The following HTR3A variants were observed in gnomAD, a reference collection of about 807,000 sequenced individuals.
The protein encoded by HTR3A is 5-hydroxytryptamine (serotonin) receptor 3A, ionotropic.
In HTR3A, 45 loss-of-function variants were observed where a neutral mutation model predicts 54.8. The ratio of observed to expected loss-of-function variants is 0.82; its 90% CI spans 0.65 to 1.05. The LOEUF is 1.05. HTR3A is among the 50% of genes least tolerant of loss of function. The probability of loss-of-function intolerance (pLI) is 0.00; values close to 1 mark genes in which losing one functional copy is unlikely to be tolerated. For synonymous variants in HTR3A, 297 were observed against 256.0 expected (o/e 1.16, Z -1.53); for missense variants, 657 against 614.0 (o/e 1.07, Z -0.74).
intron 3 of HTR3A, among the ~76,000 whole-genome samples, chr11:113,980,755 A>G (rs1950412035): frequency 6.6e-6 from 1 of 152,214 alleles, no homozygotes; most frequent in Non-Finnish European, 1.5e-5. Context: ...TAAGCAAGGG[A>G]GTGACATGAT....
chr11:113,975,486 G>T, intron 1 of HTR3A, 94 bp downstream of exon 1: 1 of 1,053,644 alleles, frequency 9.5e-7, no homozygotes, highest in Admixed American at 1.9e-5. Flanking sequence ...TGGAGAGGAG[G>T]GTGGGGAACA....
chr11:113,979,273 G>T lies in HTR3A; in HGVS notation c.260G>T (p.Arg87Leu). 2 of 1,611,294 alleles carry T rather than the reference G, an allele frequency of 1.2e-6. No individual in the cohort carries two copies. The highest frequency in any genetic ancestry group is 1.7e-6 in the Non-Finnish European group (2 of 1,179,040). ...GTGCTGACCACCTACATCTGGTACC[G>T]GCAGGTGAGCAGACCCGCCCCTCCC... ...NQVLTTYIWY[R>L]QYWTDEFLQW... Residue 87 changes from arginine to leucine, a missense_variant, in exon 3 of 9, where the codon CGG becomes CTG. Transcript: ENST00000504030.
chr11:113,986,608 C>T lies in HTR3A; in HGVS notation c.796C>T (p.Leu266=), dbSNP rs781129028. ...LMVMDIVGFY[L]PPNSGERVSF... is the part of the protein sequence containing the mutation. ...GGTCATGGACATCGTGGGCTTCTAC[C>T]TGCCCCCCAACAGTGGCGAGAGGGT... is the stretch of plus-strand genomic sequence containing the variant. The change falls in exon 7 of 9, where the codon CTG becomes TTG. Residue 266 remains leucine, a synonymous_variant. Transcript: ENST00000504030. 7 of 1,613,822 alleles carry T rather than the reference C, an allele frequency of 4.3e-6. No individual in the cohort carries two copies. The highest frequency in any genetic ancestry group is 5.9e-6 in the Non-Finnish European group (7 of 1,180,032).
Position 113,986,632 on chromosome 11 carries a change from G to T in HTR3A, c.820G>T (p.Val274Phe), listed in dbSNP as rs1591606227. The T allele has an allele frequency of 1.2e-6, 2 of 1,613,982 alleles. No individual in the cohort carries two copies. Among genetic ancestry groups the T allele is most frequent in the Admixed American group, 1.7e-5 (1 of 60,010 alleles). Residue 274 changes from valine to phenylalanine, a missense_variant, in exon 7 of 9, where the codon GTC (valine) becomes TTC (phenylalanine). Transcript: ENST00000504030. ...FYLPPNSGER[V>F]SFKITLLLGY... ...CCTGCCCCCCAACAGTGGCGAGAGG[G>T]TCTCTTTCAAGATTACACTCCTCCT...
At chr11:113,988,883 A>T (rs1229520009) in intron 8 of HTR3A, among the ~76,000 whole-genome samples, 1 of 152,226 alleles carries the variant, frequency 6.6e-6, no homozygotes, top group African/African-American at 2.4e-5. Context: ...ATTGCTGAGG[A>T]AAGCCCATAG....
intron 2 of HTR3A, among the ~76,000 whole-genome samples, chr11:113,978,650 C>T (rs1195799539): frequency 2.6e-5 from 4 of 152,150 alleles, no homozygotes; most frequent in South Asian, 2.1e-4. Context: ...GGGTTACAGA[C>T]GTAAGACACT....
chr11:113,978,340 T>C (rs1043660016), intron 2 of HTR3A, among the ~76,000 whole-genome samples: 1 of 152,124 alleles, frequency 6.6e-6, no homozygotes, highest in Non-Finnish European at 1.5e-5. Context: ...CTCAATTCCT[T>C]CATCAACTAC....
intron 4 of HTR3A, among the ~76,000 whole-genome samples, chr11:113,982,297 A>T (rs919237219): frequency 1.3e-4 from 19 of 151,638 alleles, no homozygotes; most frequent in Non-Finnish European, 2.6e-4. Flanking sequence ...CCTCTACCCC[A>T]TACCCACAGC....
intron 4 of HTR3A, 68 bp downstream of exon 4, chr11:113,981,380 G>A: frequency 1.1e-6 from 1 of 930,360 alleles, no homozygotes. Context: ...GGGACAGAGA[G>A]ACAAGATTGT....
At chr11:113,983,499 T>C (rs546292074) in intron 5 of HTR3A, among the ~76,000 whole-genome samples, 16 of 152,352 alleles carry the variant, frequency 1.1e-4, no homozygotes, top group Non-Finnish European at 1.9e-4. Flanking sequence ...AAACTTCATA[T>C]AGCACAGTAT....
intron 7 of HTR3A, 44 bp from the exon 8 acceptor site, chr11:113,986,781 C>T (rs1313740205): frequency 6.2e-7 from 1 of 1,614,182 alleles, no homozygotes; most frequent in East Asian, 2.2e-5. Context: ...CCGCCCCCTC[C>T]CACCTCCTGC....
intron 4 of HTR3A, among the ~76,000 whole-genome samples, chr11:113,982,202 C>T (rs1331320557): frequency 6.6e-6 from 1 of 152,150 alleles, no homozygotes; most frequent in African/African-American, 2.4e-5. Context: ...ATTCAGGGCC[C>T]ACCAACTGGG....
intron 5 of HTR3A, among the ~76,000 whole-genome samples, chr11:113,984,843 G>A (rs1013365850): frequency 7.9e-5 from 12 of 151,616 alleles, no homozygotes; most frequent in East Asian, 1.9e-4. Flanking sequence ...ACTTCAACTC[G>A]GAGGGTGGAG....
rs1950523289 is a variant in HTR3A at position 113,989,120 on chromosome 11, GA to G, written c.1139-344del. On this transcript the variant is annotated intron_variant, in intron 8 of 8. Coordinates refer to ENST00000504030, the MANE Select transcript of HTR3A (RefSeq NM_000869.6). This position sits in a 1 kb window ranked among gnomAD's most constrained non-coding sequence, Gnocchi z 4.4. ...CACACCTGTAATCCCAGCACCACGG[GA>G]GGCCAAAGTAGGCGGATCACTTGAG... Among the ~76,000 whole-genome samples, 2 of 151,960 alleles carry G rather than the reference GA, an allele frequency of 1.3e-5. No homozygotes were observed. The highest frequency in any genetic ancestry group is 2.9e-5 in the Non-Finnish European group (2 of 68,016).
At chr11:113,983,060 A>T in intron 4 of HTR3A, 60 bp from the exon 5 acceptor site, 1 of 1,594,280 alleles carries the variant, frequency 6.3e-7, no homozygotes, top group Non-Finnish European at 8.6e-7. Flanking sequence ...CAAGATCTTC[A>T]GGCACCCAGA....
At chr11:113,977,681 C>A in intron 1 of HTR3A, 90 bp from the exon 2 acceptor site, 1 of 1,534,818 alleles carries the variant, frequency 6.5e-7, no homozygotes, top group Non-Finnish European at 8.9e-7. Context: ...GGTGGGGATA[C>A]GTCTCTTTTA....
At chr11:113,979,969 T>C (rs1950402098) in intron 3 of HTR3A, among the ~76,000 whole-genome samples, 4 of 152,100 alleles carry the variant, frequency 2.6e-5, no homozygotes, top group Admixed American at 2.6e-4. Context: ...TTGGCATAAG[T>C]GGGTCTCTGT....
chr11:113,976,818 C>T (rs1456888), intron 1 of HTR3A, among the ~76,000 whole-genome samples: 8,653 of 150,836 alleles, frequency 0.057, 362 homozygotes, highest in Non-Finnish European at 0.079. Context: ...TCCATCTCCC[C>T]TTTGCTGCCC....
chr11:113,986,430 T>C (rs1336516199), intron 6 of HTR3A, 88 bp from the exon 7 acceptor site: 2 of 1,475,148 alleles, frequency 1.4e-6, no homozygotes, highest in Non-Finnish European at 9.4e-7. Context: ...GGAAGCCCCA[T>C]AAAACAAGGA....
Sources: allele counts gnomAD v4.1 joint callset (sites outside exome capture counted in the v4.1 genomes callset), GRCh38; gene constraint gnomAD v4.1.1; non-coding constraint Gnocchi (gnomAD v3.1); transcripts MANE v1.5; gene names NCBI Gene and HGNC (gene_info 2026-07-23, HGNC 2026-07-21).